MARCHF3: variants seen among roughly 807,000 people sequenced by gnomAD.
MARCHF3 encodes membrane associated ring-CH-type finger 3.
MARCHF3 carries 13 observed loss-of-function variants against 24.2 expected under a neutral mutation model. The ratio of observed to expected loss-of-function variants is 0.54; its 90% CI spans 0.35 to 0.85. The LOEUF is 0.85. MARCHF3 is among the 40% of genes least tolerant of loss of function. MARCHF3 has a pLI of 0.01. For missense variants in MARCHF3, 276 were observed against 325.0 expected (o/e 0.85, Z 1.16); for synonymous variants, 144 against 137.3 (o/e 1.05, Z -0.34).
intron 1 of MARCHF3, among the ~76,000 whole-genome samples, chr5:127,027,539 G>A (rs1173727115): frequency 6.6e-6 from 1 of 152,164 alleles, no homozygotes; most frequent in Non-Finnish European, 1.5e-5. Flanking sequence ...CTCAGAGTGG[G>A]GGGTGAAGGA....
At chr5:126,888,354 T>C (rs948660532) in intron 3 of MARCHF3, among the ~76,000 whole-genome samples, 3 of 152,222 alleles carry the variant, frequency 2.0e-5, no homozygotes, top group Non-Finnish European at 2.9e-5. Context: ...AATACTATGC[T>C]TATGCCTGGG....
intron 2 of MARCHF3, among the ~76,000 whole-genome samples, chr5:126,917,168 C>T (rs1748890648): frequency 6.6e-6 from 1 of 152,136 alleles, no homozygotes; most frequent in African/African-American, 2.4e-5. Context: ...CACTAGGGGG[C>T]AAATCCAATG....
intron 3 of MARCHF3, among the ~76,000 whole-genome samples, chr5:126,897,536 GC>G (rs1161215965): frequency 6.6e-6 from 1 of 152,036 alleles, no homozygotes; most frequent in Non-Finnish European, 1.5e-5. Flanking sequence ...AAATTAATGG[GC>G]TTAAAGGAAG....
At chr5:126,908,226 C>T (rs1001076055) in intron 3 of MARCHF3, among the ~76,000 whole-genome samples, 3 of 152,094 alleles carry the variant, frequency 2.0e-5, no homozygotes, top group South Asian at 2.1e-4. Context: ...GAGGGTAACC[C>T]GCCCTTTCTC....
chr5:126,961,353 C>T (rs955159921), intron 1 of MARCHF3, among the ~76,000 whole-genome samples: 4 of 152,036 alleles, frequency 2.6e-5, no homozygotes, highest in Non-Finnish European at 5.9e-5. Context: ...TTCAGAGAAT[C>T]GTGAGAGGGC....
At chr5:126,963,673 A>C (rs1179680262) in intron 1 of MARCHF3, among the ~76,000 whole-genome samples, 3 of 152,222 alleles carry the variant, frequency 2.0e-5, no homozygotes, top group African/African-American at 7.2e-5. Flanking sequence ...TATAATTGGT[A>C]AATTAAGAAA....
intron 3 of MARCHF3, chr5:126,899,128 G>A (rs949440147): frequency 2.8e-5 from 28 of 985,124 alleles, no homozygotes; most frequent in African/African-American, 3.5e-5. Flanking sequence ...ATCTCACAGC[G>A]TTCCTATCTC....
chr5:126,897,592 T>C (rs1202256572), intron 3 of MARCHF3, among the ~76,000 whole-genome samples: 1 of 151,898 alleles, frequency 6.6e-6, no homozygotes, highest in African/African-American at 2.4e-5. Flanking sequence ...TCAGATAATA[T>C]AAAAAGTTCA....
intron 1 of MARCHF3, among the ~76,000 whole-genome samples, chr5:126,922,696 G>A (rs1185648329): frequency 6.6e-6 from 1 of 152,038 alleles, no homozygotes; most frequent in Non-Finnish European, 1.5e-5. Context: ...ACAGGTGCAT[G>A]CCACCATGCC....
rs55702696 is a variant in MARCHF3, at chr5:126,868,642, C to G, written c.*1991G>C. On this transcript the variant is annotated 3_prime_UTR_variant, in exon 5 of 5. Coordinates refer to ENST00000308660, the MANE Select transcript of MARCHF3 (RefSeq NM_178450.5). ...AAATCCGCTGCTTCCTTAATTCATGCAAGAAACAGGGAGAAGGGGTATGGT... is the reference window on the plus strand; with the variant it reads ...AAATCCGCTGCTTCCTTAATTCATGGAAGAAACAGGGAGAAGGGGTATGGT... The G allele has an allele frequency of 0.077, 11,771 of 152,188 alleles. 682 individuals are homozygous for G. The highest frequency in any genetic ancestry group is 0.16 in the African/African-American group (6,537 of 41,482). 9.4% of individuals were successfully genotyped at this position (152,188 alleles called of 1,614,324 possible).
chr5:126,887,220 G>T (rs528503744), intron 3 of MARCHF3, among the ~76,000 whole-genome samples: 1 of 151,872 alleles, frequency 6.6e-6, no homozygotes, highest in South Asian at 2.1e-4. Flanking sequence ...GGAGTCCACA[G>T]ATAGGATTCA....
intron 1 of MARCHF3, among the ~76,000 whole-genome samples, chr5:126,942,703 G>C (rs1483725190): frequency 1.3e-5 from 2 of 152,184 alleles, no homozygotes; most frequent in Non-Finnish European, 2.9e-5. Flanking sequence ...ATGAAGAAGG[G>C]AAATCATCAG....
intron 3 of MARCHF3, among the ~76,000 whole-genome samples, chr5:126,900,858 C>G (rs370700269): frequency 6.6e-6 from 1 of 151,912 alleles, no homozygotes; most frequent in Non-Finnish European, 1.5e-5. Context: ...CCTGCCACCA[C>G]GCCCAGCTAA....
chr5:126,985,698 A>C (rs1751542901), intron 1 of MARCHF3, among the ~76,000 whole-genome samples: 1 of 152,046 alleles, frequency 6.6e-6, no homozygotes, highest in African/African-American at 2.4e-5. Flanking sequence ...GATGGTCTCG[A>C]TCTCCTGACC....
At chr5:126,935,573 A>G (rs1323085096) in intron 1 of MARCHF3, among the ~76,000 whole-genome samples, 2 of 150,804 alleles carry the variant, frequency 1.3e-5, no homozygotes, top group Admixed American at 6.6e-5. Context: ...CCAAAGAGCC[A>G]ATCTAAAAAG....
At chr5:126,923,649 G>C (rs1243302633) in intron 1 of MARCHF3, among the ~76,000 whole-genome samples, 1 of 152,154 alleles carries the variant, frequency 6.6e-6, no homozygotes, top group African/African-American at 2.4e-5. Flanking sequence ...AAAGTAATGA[G>C]TTTAGTAACA....
In MARCHF3 at chr5:126,978,018, T is replaced by C. The variant is rs374348289; in HGVS notation, c.-57+52332A>G. On this transcript the variant is annotated intron_variant, in intron 1 of 4. Coordinates refer to ENST00000308660, the MANE Select transcript of MARCHF3 (RefSeq NM_178450.5). ...GCTATATTCTCTGAATTAGCACAAG[T>C]ACAGAGCAAGAGTGTGGGGAAGGCA... Among the ~76,000 whole-genome samples the C allele has an allele frequency of 1.2e-4, 18 of 152,296 alleles. No individual in the cohort carries two copies. The South Asian group carries it at 3.5e-3, about 30-fold the overall frequency.
chr5:126,917,958 T>C, intron 2 of MARCHF3, 26 bp downstream of exon 2: 1 of 1,602,146 alleles, frequency 6.2e-7, no homozygotes, highest in Non-Finnish European at 8.5e-7. Context: ...CAATTACAGA[T>C]TCATTTATTT....
intron 4 of MARCHF3, among the ~76,000 whole-genome samples, chr5:126,872,826 C>T (rs577234050): frequency 1.2e-3 from 184 of 151,948 alleles, no homozygotes; most frequent in African/African-American, 4.3e-3. Flanking sequence ...TCCAAAAGTC[C>T]CTGAACATGC....
Sources: gnomAD v4.1 joint callset for allele counts (sites outside exome capture counted in the v4.1 genomes callset) on GRCh38, gnomAD v4.1.1 for gene constraint, MANE v1.5 for transcripts, NCBI Gene and HGNC (gene_info 2026-07-23, HGNC 2026-07-21) for gene names.